AKAP13: variants seen among roughly 807,000 people sequenced by gnomAD.
The protein encoded by AKAP13 is A-kinase anchor protein 13.
Under a neutral mutation model 264.5 loss-of-function variants are expected in AKAP13, and 80 were observed. The ratio of observed to expected loss-of-function variants is 0.30; its 90% confidence interval spans 0.25 to 0.36. The LOEUF (loss-of-function observed/expected upper bound fraction) is 0.36. AKAP13 is among the 10% of genes least tolerant of loss of function. The pLI is 1.00. For synonymous variants in AKAP13, 1,380 were observed against 1,250.2 expected (o/e 1.10, Z -2.19); for missense variants, 3,712 against 3,435.2 (o/e 1.08, Z -2.01).
chr15:85,666,773 G>T (rs548019316), intron 13 of AKAP13, among the ~76,000 whole-genome samples: 1 of 152,160 alleles, frequency 6.6e-6, no homozygotes, highest in African/African-American at 2.4e-5. Context: ...CCAGTCTCTT[G>T]AAACTCCTGT....
Position 85,509,023 on chromosome 15 carries a change from A to C in AKAP13, c.34-12405A>C, listed in dbSNP as rs111908185. Among the ~76,000 whole-genome samples the C allele has an allele frequency of 3.1e-3, 470 of 152,228 alleles. 1 individual carries two copies. The highest frequency in any genetic ancestry group is 5.0e-3 in the Non-Finnish European group (340 of 68,004). ...CTCTTTCTAATAGAACTTTCCCTCT[A>C]ATGTTACTTTCTATAATTTGTCTTA... is the stretch of plus-strand genomic sequence containing the variant. On this transcript the variant is annotated intron_variant, in intron 2 of 36. Transcript: ENST00000394518.
chr15:85,430,957 C>A (rs558106242), intron 1 of AKAP13, among the ~76,000 whole-genome samples: 1 of 152,304 alleles, frequency 6.6e-6, no homozygotes, highest in Admixed American at 6.5e-5. Flanking sequence ...TCTGTTGCCC[C>A]AGGACCAGGC....
At position 85,543,953 on chromosome 15, in the gene AKAP13, C is replaced by G; in HGVS notation, c.660C>G (p.Thr220=). 2 of 1,611,348 alleles carry G rather than the reference C, an allele frequency of 1.2e-6. No homozygotes were observed. The highest frequency in any genetic ancestry group is 2.2e-5 in the South Asian group (2 of 90,970). ...ATCACAAGCTGCACCAGCTTCTAAC[C>G]GAGTAAGTGCTCCTTCTGCCTTATT... ...RGYHKLHQLL[T]EENAGEPDSW... is the part of the protein sequence containing the mutation. Residue 220 remains threonine, a splice_region_variant and synonymous_variant, in exon 5 of 37, where the codon ACC becomes ACG. Transcript: ENST00000394518.
At chr15:85,562,367 C>T (rs1189828076) in intron 5 of AKAP13, among the ~76,000 whole-genome samples, 3 of 151,324 alleles carry the variant, frequency 2.0e-5, no homozygotes, top group African/African-American at 7.3e-5. Flanking sequence ...GAGTTTGAGA[C>T]CAGTCTGGCC....
At chr15:85,435,905 C>T (rs1030074383) in intron 1 of AKAP13, among the ~76,000 whole-genome samples, 1 of 143,304 alleles carries the variant, frequency 7.0e-6, no homozygotes, top group Admixed American at 7.0e-5. Flanking sequence ...GAAACTGCAT[C>T]AACTAACGAG....
chr15:85,469,359 T>A (rs140873584), intron 1 of AKAP13, among the ~76,000 whole-genome samples: 1 of 152,236 alleles, frequency 6.6e-6, no homozygotes, highest in Non-Finnish European at 1.5e-5. Flanking sequence ...GGGCTGTAGT[T>A]GCTATGTACA....
In AKAP13 at chr15:85,658,488, C is replaced by CAT. The variant is rs748257367; in HGVS notation, c.4746-49_4746-48insAT. On this transcript the variant is annotated intron_variant, in intron 11 of 36. Transcript: ENST00000394518. ...GTCTGTATGTTTCATGCATTTGTAT[C>CAT]CCATTTTGTTTCACCTGCAACACTG... 6 of 1,554,934 alleles carry CAT rather than the reference C, an allele frequency of 3.9e-6. No individual in the cohort carries two copies. The South Asian group carries it at 6.7e-5, about 17-fold the overall frequency.
At chr15:85,423,191 T>G (rs1311697551) in intron 1 of AKAP13, among the ~76,000 whole-genome samples, 2 of 152,200 alleles carry the variant, frequency 1.3e-5, no homozygotes, top group Admixed American at 6.5e-5. Flanking sequence ...CTTAGGCAAT[T>G]TCTTAAAATA....
intron 19 of AKAP13, 77 bp from the exon 20 acceptor site, chr15:85,715,711 G>T: frequency 1.9e-6 from 2 of 1,051,704 alleles, no homozygotes; most frequent in Non-Finnish European, 2.7e-6. Context: ...CCTTACTTCT[G>T]CTTGTTATTT....
At chr15:85,475,601 A>G (rs1302603092) in intron 1 of AKAP13, among the ~76,000 whole-genome samples, 1 of 152,198 alleles carries the variant, frequency 6.6e-6, no homozygotes, top group Non-Finnish European at 1.5e-5. Flanking sequence ...GTCTAGTTAT[A>G]TGATGTTGAA....
At chr15:85,619,687 C>T in intron 8 of AKAP13, 1 of 991,026 alleles carries the variant, frequency 1.0e-6, no homozygotes, top group African/African-American at 1.7e-5. Context: ...GGTTTTTTTC[C>T]CTACGTGTAT....
At chr15:85,399,640 C>G (rs1270992263) in intron 1 of AKAP13, among the ~76,000 whole-genome samples, 1 of 151,232 alleles carries the variant, frequency 6.6e-6, no homozygotes, top group African/African-American at 2.4e-5. Context: ...CTCTGTATTT[C>G]TAAAAGGATA....
chr15:85,723,663 A>C (rs1597180303), intron 26 of AKAP13, among the ~76,000 whole-genome samples: 1 of 152,160 alleles, frequency 6.6e-6, no homozygotes, highest in South Asian at 2.1e-4. Flanking sequence ...GCCAGGTTGG[A>C]ATTGGGATCT....
intron 2 of AKAP13, among the ~76,000 whole-genome samples, chr15:85,489,016 C>G (rs752465289): frequency 2.0e-5 from 3 of 152,222 alleles, no homozygotes; most frequent in Non-Finnish European, 2.9e-5. Context: ...TAGAAACTCT[C>G]TGATCTTGCC....
At chr15:85,517,953 G>A (rs2076669468) in intron 2 of AKAP13, among the ~76,000 whole-genome samples, 1 of 152,228 alleles carries the variant, frequency 6.6e-6, no homozygotes, top group South Asian at 2.1e-4. Context: ...GGGTGGTGAT[G>A]TAGGTGTGTA....
intron 12 of AKAP13, among the ~76,000 whole-genome samples, chr15:85,661,626 C>T (rs1418874981): frequency 1.3e-5 from 2 of 152,082 alleles, no homozygotes; most frequent in Non-Finnish European, 2.9e-5. Context: ...GAGGCTGAGG[C>T]AGGAGAATCG....
intron 14 of AKAP13, among the ~76,000 whole-genome samples, chr15:85,679,840 A>C (rs550481946): frequency 7.2e-5 from 11 of 152,242 alleles, no homozygotes; most frequent in African/African-American, 2.6e-4. Flanking sequence ...TTTGTCCATA[A>C]TTTTGTCATG....
chr15:85,428,871 T>G (rs988297723), intron 1 of AKAP13, among the ~76,000 whole-genome samples: 1 of 152,220 alleles, frequency 6.6e-6, no homozygotes, highest in African/African-American at 2.4e-5. Context: ...TCTTACCTTC[T>G]GAGTTTCCAC....
At chr15:85,431,738 A>C (rs2073031810) in intron 1 of AKAP13, among the ~76,000 whole-genome samples, 2 of 152,306 alleles carry the variant, frequency 1.3e-5, no homozygotes, top group South Asian at 4.1e-4. Context: ...ATTTTAAAAC[A>C]TTTTAAAGTG....
Sources: gnomAD v4.1 joint callset for allele counts (sites outside exome capture counted in the v4.1 genomes callset) on GRCh38, gnomAD v4.1.1 for gene constraint, MANE v1.5 for transcripts, NCBI Gene and HGNC (gene_info 2026-07-23, HGNC 2026-07-21) for gene names.